GASK1A: variants seen among roughly 807,000 people sequenced by gnomAD.
GASK1A encodes golgi associated kinase 1A.
A neutral mutation model predicts 41.2 loss-of-function variants in GASK1A; 40 were observed. That is an observed-to-expected ratio of 0.97 (90% CI 0.75 to 1.27). GASK1A has a LOEUF of 1.27. Among genes scored for constraint, GASK1A ranks in the 50% most tolerant of loss-of-function variants. The probability of loss-of-function intolerance (pLI) is 0.00; values close to 1 mark genes in which losing one functional copy is unlikely to be tolerated. For synonymous variants in GASK1A, 316 were observed against 307.1 expected, an observed-to-expected ratio of 1.03 and a Z score of -0.30; for missense variants, 678 against 745.1, an observed-to-expected ratio of 0.91 and a Z score of 1.05.
chr3:42,990,856 C>T (rs893990418), intron 1 of GASK1A, among the ~76,000 whole-genome samples: 1 of 152,180 alleles, frequency 6.6e-6, no homozygotes, highest in South Asian at 2.1e-4. Context: ...AATGCTTTGC[C>T]TGAGCTCTTG....
chr3:43,055,633 C>T, intron 4 of GASK1A, 98 bp downstream of exon 4: 6 of 816,014 alleles, frequency 7.4e-6, no homozygotes, highest in Non-Finnish European at 1.2e-5. Context: ...GAGAAGCCCA[C>T]AGTCCATCAG....
In GASK1A at chr3:43,023,502, C is replaced by T. The variant is rs77550486; in HGVS notation, c.4-8765C>T. Among the ~76,000 whole-genome samples the T allele has an allele frequency of 3.6e-3, 549 of 152,290 alleles. 3 individuals carry two copies. The highest frequency in any genetic ancestry group is 0.013 in the African/African-American group (522 of 41,562). On this transcript the variant is annotated intron_variant, in intron 1 of 4. Coordinates refer to ENST00000430121, the MANE Select transcript of GASK1A (RefSeq NM_001129908.3). ...TATGTTATAATGCAAAGAAAAGCAA[C>T]AGCCTGAGAAGATGCACACCCTAAT...
intron 1 of GASK1A, among the ~76,000 whole-genome samples, chr3:43,010,259 G>A (rs1373548336): frequency 6.6e-6 from 1 of 152,172 alleles, no homozygotes; most frequent in Non-Finnish European, 1.5e-5. Context: ...GTGAAGGAGG[G>A]AGTCTGAAAA....
Position 43,032,813 on chromosome 3 carries a change from G to T in GASK1A, c.550G>T (p.Ala184Ser), listed in dbSNP as rs2089584310. The change falls in exon 2 of 5, where the codon GCT becomes TCT. Residue 184 changes from alanine to serine, a missense_variant. Coordinates refer to ENST00000430121, the MANE Select transcript of GASK1A (RefSeq NM_001129908.3). ...LPGSDMAALPAWRATSGLTLW... is the reference protein window; with the variant it reads ...LPGSDMAALPSWRATSGLTLW... ...AGGGAGTGACATGGCAGCTTTACCG[G>T]CTTGGAGAGCTACTTCTGGGCTGAC... 1.3e-6 allele frequency: 2 copies of T among 1,549,422 alleles called. No individual in the cohort carries two copies. Among genetic ancestry groups the T allele is most frequent in the South Asian group, 1.2e-5 (1 of 84,068 alleles).
At chr3:42,998,172 A>C (rs906561548) in intron 1 of GASK1A, among the ~76,000 whole-genome samples, 2 of 152,204 alleles carry the variant, frequency 1.3e-5, no homozygotes, top group Non-Finnish European at 2.9e-5. Context: ...CCAACACTGC[A>C]GAAGACGCAG....
In GASK1A at chr3:43,032,503, C is replaced by T. The variant is rs1559404570; in HGVS notation, c.240C>T (p.Ser80=). The change falls in exon 2 of 5, where the codon AGC becomes AGT. Residue 80 remains serine, a synonymous_variant. Coordinates refer to ENST00000430121, the MANE Select transcript of GASK1A (RefSeq NM_001129908.3). The part of the protein sequence containing the change: ...QRARNMGFWR[S]RALPRNSILV... ...CAAGAAACATGGGCTTCTGGAGAAG[C>T]CGTGCTTTGCCCAGGAACTCCATCT... The T allele has an allele frequency of 6.5e-7, 1 of 1,549,902 alleles. No homozygotes were observed. The highest frequency in any genetic ancestry group is 8.7e-7 in the Non-Finnish European group (1 of 1,145,536).
intron 1 of GASK1A, among the ~76,000 whole-genome samples, chr3:43,027,110 C>T (rs551015510): frequency 1.3e-4 from 20 of 152,304 alleles, no homozygotes; most frequent in African/African-American, 4.8e-4. Flanking sequence ...AAACTGTAAG[C>T]CAAGTATTTT....
At chr3:43,016,163 C>A (rs534360441) in intron 1 of GASK1A, among the ~76,000 whole-genome samples, 2 of 136,328 alleles carry the variant, frequency 1.5e-5, no homozygotes, top group Non-Finnish European at 1.6e-5. Context: ...GGCTGTGTGA[C>A]GTTACAGGAA....
At chr3:43,039,444 C>T (rs1169610870) in intron 2 of GASK1A, among the ~76,000 whole-genome samples, 1 of 152,164 alleles carries the variant, frequency 6.6e-6, no homozygotes, top group Non-Finnish European at 1.5e-5. Flanking sequence ...CACAGGTGAT[C>T]CGCCTGCTTC....
chr3:43,001,618 C>T (rs1304755296), intron 1 of GASK1A, among the ~76,000 whole-genome samples: 1 of 152,138 alleles, frequency 6.6e-6, no homozygotes, highest in Non-Finnish European at 1.5e-5. Context: ...GAGCTGTAAT[C>T]CAAGATGAGG....
At chr3:43,011,703 T>G (rs1271034482) in intron 1 of GASK1A, among the ~76,000 whole-genome samples, 3 of 151,220 alleles carry the variant, frequency 2.0e-5, no homozygotes, top group East Asian at 3.9e-4. Flanking sequence ...GAAGGGGCTG[T>G]GTGGAGCCAG....
intron 1 of GASK1A, among the ~76,000 whole-genome samples, chr3:42,980,037 T>G (rs2089274770): frequency 6.6e-6 from 1 of 152,220 alleles, no homozygotes; most frequent in African/African-American, 2.4e-5. Context: ...CCAAAGTTCA[T>G]GTGAATTTTA....
intron 2 of GASK1A, among the ~76,000 whole-genome samples, chr3:43,047,558 C>T (rs1164978388): frequency 3.3e-5 from 5 of 152,130 alleles, no homozygotes; most frequent in Non-Finnish European, 2.9e-5. Context: ...GCTGTTGGTC[C>T]ACTGATTGCT....
chr3:42,991,507 AC>A (rs2089340675), intron 1 of GASK1A, among the ~76,000 whole-genome samples: 1 of 152,030 alleles, frequency 6.6e-6, no homozygotes, highest in African/African-American at 2.4e-5. Flanking sequence ...ACACTCACAC[AC>A]CCTCACACAC....
At chr3:43,048,499 A>T (rs1049074748) in intron 2 of GASK1A, among the ~76,000 whole-genome samples, 1 of 152,144 alleles carries the variant, frequency 6.6e-6, no homozygotes, top group African/African-American at 2.4e-5. Flanking sequence ...TGGGGAAGTG[A>T]AGCAGGGAAG....
chr3:43,013,452 G>T (rs577086673), intron 1 of GASK1A, among the ~76,000 whole-genome samples: 1 of 151,608 alleles, frequency 6.6e-6, no homozygotes, highest in Non-Finnish European at 1.5e-5. Flanking sequence ...ACAAGAAGGT[G>T]CAGTGGGAAG....
intron 1 of GASK1A, among the ~76,000 whole-genome samples, chr3:42,989,978 A>T (rs1019747042): frequency 6.6e-6 from 1 of 152,046 alleles, no homozygotes; most frequent in Non-Finnish European, 1.5e-5. Context: ...TGGTGCTCCC[A>T]GCGTTAGACT....
intron 2 of GASK1A, among the ~76,000 whole-genome samples, chr3:43,037,720 C>T (rs1417789266): frequency 1.3e-5 from 2 of 152,114 alleles, no homozygotes; most frequent in African/African-American, 4.8e-5. Flanking sequence ...TACACATAAG[C>T]TTTAAACTGG....
chr3:43,055,591 C>A, intron 4 of GASK1A, 56 bp downstream of exon 4: 1 of 1,291,776 alleles, frequency 7.7e-7, no homozygotes, highest in Non-Finnish European at 1.1e-6. Flanking sequence ...GATGGCCTTG[C>A]TGCAAACCTT....
Sources: allele counts gnomAD v4.1 joint callset (sites outside exome capture counted in the v4.1 genomes callset), GRCh38; gene constraint gnomAD v4.1.1; transcripts MANE v1.5; gene names NCBI Gene and HGNC (gene_info 2026-07-23, HGNC 2026-07-21).